STK24: variants seen among roughly 807,000 people sequenced by gnomAD.
STK24 encodes the protein serine/threonine kinase 24, also known as serine/threonine-protein kinase 24.
Under a neutral mutation model 55.6 loss-of-function variants are expected in STK24, and 21 were observed. The observed-to-expected ratio is 0.38, with a 90% CI of 0.27 to 0.54. The LOEUF is 0.54. STK24 is among the 20% of genes least tolerant of loss of function. The pLI, the probability that STK24 is intolerant of heterozygous loss-of-function variation, is 0.79. For synonymous variants in STK24, 200 were observed against 215.2 expected (o/e 0.93, Z 0.62); for missense variants, 383 against 538.4 (o/e 0.71, Z 2.86).
At chr13:98,552,441 C>G (rs570624974) in intron 1 of STK24, among the ~76,000 whole-genome samples, 1 of 152,092 alleles carries the variant, frequency 6.6e-6, no homozygotes, top group Non-Finnish European at 1.5e-5. Context: ...GCTAAGCCGG[C>G]GGAGGTCTTC....
chr13:98,474,504 C>G (rs1894287636), intron 5 of STK24, among the ~76,000 whole-genome samples: 1 of 152,262 alleles, frequency 6.6e-6, no homozygotes, highest in East Asian at 1.9e-4. Context: ...CACGCCTCCA[C>G]CCCTCACCAC....
intron 2 of STK24, among the ~76,000 whole-genome samples, chr13:98,495,830 T>C (rs190546293): frequency 4.9e-4 from 74 of 152,360 alleles, no homozygotes; most frequent in African/African-American, 1.8e-3. Context: ...ATTTGTTTCG[T>C]CGTTGCTGAT....
intron 1 of STK24, among the ~76,000 whole-genome samples, chr13:98,523,182 A>G (rs1896321602): frequency 6.6e-6 from 1 of 152,186 alleles, no homozygotes; most frequent in Non-Finnish European, 1.5e-5. Context: ...CTGGGACAGG[A>G]GGCCAAGCAG....
intron 1 of STK24, among the ~76,000 whole-genome samples, chr13:98,527,674 G>A (rs541824623): frequency 1.3e-5 from 2 of 152,322 alleles, no homozygotes; most frequent in Non-Finnish European, 2.9e-5. Context: ...AAACCTGAGC[G>A]GGGAGGCTCC....
chr13:98,507,140 T>C (rs1362551386), intron 2 of STK24, among the ~76,000 whole-genome samples: 2 of 152,202 alleles, frequency 1.3e-5, no homozygotes, highest in Non-Finnish European at 2.9e-5. Context: ...TCCTCAACTT[T>C]GTAAAATGGC....
intron 9 of STK24, among the ~76,000 whole-genome samples, chr13:98,458,192 A>G (rs548652146): frequency 8.5e-5 from 13 of 152,254 alleles, no homozygotes; most frequent in African/African-American, 3.1e-4. Flanking sequence ...GCCTTCAGAC[A>G]CTTCCCTCAG....
At position 98,513,129 on chromosome 13, in the gene STK24, C is replaced by T. The variant is rs72655636; in HGVS notation, c.273+6114G>A. On this transcript the variant is annotated intron_variant, in intron 2 of 10. Coordinates refer to ENST00000539966, the MANE Select transcript of STK24 (RefSeq NM_001032296.4). ...TCGAGAACAGAGGCTGGCCAGCCCA[C>T]GCAGGGTGGACACACTGCCCCGAGT... Among the ~76,000 whole-genome samples, 499 of 152,332 alleles carry T rather than the reference C, an allele frequency of 3.3e-3. 2 individuals carry two copies. The highest frequency in any genetic ancestry group is 5.6e-3 in the Admixed American group (86 of 15,314).
chr13:98,520,252 A>G (rs1896212086), intron 1 of STK24, among the ~76,000 whole-genome samples: 1 of 152,240 alleles, frequency 6.6e-6, no homozygotes, highest in Non-Finnish European at 1.5e-5. Flanking sequence ...GGAAACTGAG[A>G]AGCAATCCCG....
intron 1 of STK24, among the ~76,000 whole-genome samples, chr13:98,535,629 C>T (rs751463624): frequency 6.6e-6 from 1 of 152,154 alleles, no homozygotes; most frequent in Non-Finnish European, 1.5e-5. Flanking sequence ...TTCACAAATA[C>T]GGTTTCTAGA....
chr13:98,528,075 C>G (rs1896483164), intron 1 of STK24, among the ~76,000 whole-genome samples: 1 of 152,000 alleles, frequency 6.6e-6, no homozygotes, highest in Non-Finnish European at 1.5e-5. Flanking sequence ...CAGGCTGACC[C>G]CTGGGTTCCC....
rs576499619 is a variant in STK24, at chr13:98,514,742, G to C, written c.273+4501C>G. On this transcript the variant is annotated intron_variant, in intron 2 of 10. Transcript: ENST00000539966. ...TTGGTTAAACTGGCTTGATGTTTGA[G>C]AGGAATAAATAATTTATCATAAAAG... Among the ~76,000 whole-genome samples the C allele has an allele frequency of 5.3e-5, 8 of 152,312 alleles. No homozygotes were observed. In the South Asian group the frequency reaches 1.7e-3, roughly 32 times the overall value.
rs1893173320 is a variant in STK24 at position 98,451,191 on chromosome 13, G to GC, written c.*1981dup. ...CTGTAAATCAGAAAAGCTGCTGTCC[G>GC]CCCTGGCTCACTTAAAAATCAGGTA... On this transcript the variant is annotated 3_prime_UTR_variant, in exon 11 of 11. Coordinates refer to ENST00000539966, the MANE Select transcript of STK24 (RefSeq NM_001032296.4). The GC allele has an allele frequency of 6.6e-6, 1 of 152,036 alleles. No individual in the cohort carries two copies. The highest frequency in any genetic ancestry group is 1.5e-5 in the Non-Finnish European group (1 of 68,020). 9.4% of individuals were successfully genotyped at this position (152,036 alleles called of 1,614,324 possible). A position where few individuals can be genotyped will look rare whatever the true frequency, so the allele number is the denominator to read the frequency against.
At chr13:98,502,972 A>T (rs1395591608) in intron 2 of STK24, among the ~76,000 whole-genome samples, 15 of 151,420 alleles carry the variant, frequency 9.9e-5, no homozygotes, top group Non-Finnish European at 2.2e-4. Flanking sequence ...ATTTTCAGGT[A>T]ATTAAGGGCT....
rs772629882 is a variant in STK24 at position 98,461,884 on chromosome 13, G to T, written c.943C>A (p.Gln315Lys). The T allele has an allele frequency of 6.2e-7, 1 of 1,613,996 alleles. No homozygotes were observed. The highest frequency in any genetic ancestry group is 2.2e-5 in the East Asian group (1 of 44,880). Reference sequence around the variant, plus strand: ...CCAGAATCACTGCCCCCCGAGGCTTGGCCATCTGTTTCCCTTAACACAGAA... The same window carrying T: ...CCAGAATCACTGCCCCCCGAGGCTTTGCCATCTGTTTCCCTTAACACAGAA... The part of the protein sequence containing the change: ...SEDSDAETDG[Q>K]ASGGSDSGDW... Residue 315 changes from glutamine (Q) to lysine (K), a missense_variant, in exon 8 of 11, where the codon CAA becomes AAA. By Grantham distance (53) the Gln-to-Lys change is moderately conservative. Transcript: ENST00000539966.
chr13:98,484,604 C>T (rs576838897), intron 2 of STK24, among the ~76,000 whole-genome samples: 1 of 152,306 alleles, frequency 6.6e-6, no homozygotes, highest in East Asian at 1.9e-4. Flanking sequence ...TCCAAAGCTC[C>T]GCCCTCCTCA....
At chr13:98,524,448 G>A (rs931081585) in intron 1 of STK24, among the ~76,000 whole-genome samples, 2 of 152,134 alleles carry the variant, frequency 1.3e-5, no homozygotes, top group African/African-American at 2.4e-5. Context: ...GCACGGCACC[G>A]GATAAACATG....
chr13:98,550,809 A>T (rs1897138957), intron 1 of STK24, among the ~76,000 whole-genome samples: 1 of 152,250 alleles, frequency 6.6e-6, no homozygotes, highest in Admixed American at 6.5e-5. Flanking sequence ...AAATAAAATG[A>T]AATCATTTAT....
Position 98,503,041 on chromosome 13 carries a change from T to TTTTTTTTTTTTTC in STK24, c.273+16201_273+16202insGAAAAAAAAAAAA, listed in dbSNP as rs1555306354. ...TTCCATGTGTTTTTTTTTTTTTTTT[T>TTTTTTTTTTTTTC]CAGTATGGTACAACTGACCACCAAC... On this transcript the variant is annotated intron_variant, in intron 2 of 10. Transcript: ENST00000539966. Among the ~76,000 whole-genome samples the TTTTTTTTTTTTTC allele has an allele frequency of 2.5e-4, 37 of 148,806 alleles. 1 individual carries two copies. The highest frequency in any genetic ancestry group is 8.9e-4 in the African/African-American group (35 of 39,294).
chr13:98,538,544 C>CTTG (rs111927247), intron 1 of STK24, among the ~76,000 whole-genome samples: 8,164 of 152,184 alleles, frequency 0.054, 362 homozygotes, highest in African/African-American at 0.12. Context: ...TAATCCCTTC[C>CTTG]TCAAGCAGTA....
Sources: gnomAD v4.1 joint callset for allele counts (sites outside exome capture counted in the v4.1 genomes callset) on GRCh38, gnomAD v4.1.1 for gene constraint, MANE v1.5 for transcripts, NCBI Gene and HGNC (gene_info 2026-07-23, HGNC 2026-07-21) for gene names.